The following EPHA2 variants were observed in gnomAD, a reference collection of about 807,000 sequenced individuals.
EPHA2 encodes EPH receptor A2.
A neutral mutation model predicts 104.9 loss-of-function variants in EPHA2; 54 were observed. That is an observed-to-expected ratio of 0.51 (90% CI 0.41 to 0.65). EPHA2 has a LOEUF of 0.65. EPHA2 is among the 30% of genes least tolerant of loss of function. The pLI is 0.00. For synonymous variants in EPHA2, 560 were observed against 559.1 expected (o/e 1.00, Z -0.02); for missense variants, 1,117 against 1,369.5 (o/e 0.82, Z 2.91).
chr1:16,139,068 G>A (rs1219415840), intron 3 of EPHA2, among the ~76,000 whole-genome samples: 1 of 152,204 alleles, frequency 6.6e-6, no homozygotes, highest in Non-Finnish European at 1.5e-5. Flanking sequence ...TTCCAGGACC[G>A]AGTCATATCC....
intron 1 of EPHA2, among the ~76,000 whole-genome samples, chr1:16,154,705 G>A (rs907893380): frequency 2.2e-5 from 3 of 133,730 alleles, no homozygotes; most frequent in African/African-American, 8.2e-5. Context: ...GCAGTGAGCC[G>A]AGATTGCGCC....
rs925529282 is a variant in EPHA2, at chr1:16,148,471, G to A, written c.730C>T (p.Arg244Cys). The part of the protein sequence containing the change: ...AVVPPGGEEP[R>C]MHCAVDGEWL... ...TCGCCATCCACTGCACAGTGCATAC[G>A]GGGCTCTTCACCCCCCGGTGGCACC... The change falls in exon 3 of 17, where the codon CGT (arginine) becomes TGT (cysteine). Residue 244 changes from arginine to cysteine, a missense_variant. By Grantham distance (180) the Arg-to-Cys change is radical. Around this residue, in one of 3 missense-constraint regions of EPHA2, gnomAD observed 664 missense variants for 784.8 expected, o/e 0.85. Transcript: ENST00000358432. The surrounding 1 kb of genome is among the most constrained non-coding windows in gnomAD (Gnocchi z 4.9). The A allele has an allele frequency of 3.1e-6, 5 of 1,613,868 alleles. No homozygotes were observed. Among genetic ancestry groups the A allele is most frequent in the East Asian group, 2.2e-5 (1 of 44,884 alleles).
At position 16,128,283 on chromosome 1, in the gene EPHA2, A is replaced by G. The variant is rs1202769377; in HGVS notation, c.2825+1151T>C. Among the ~76,000 whole-genome samples the G allele has an allele frequency of 6.6e-6, 1 of 152,170 alleles. No homozygotes were observed. The highest frequency in any genetic ancestry group is 1.5e-5 in the Non-Finnish European group (1 of 68,022). Reference sequence around the variant, plus strand: ...GGCCCTGCTGGGCTGGCGGGCAGCAAAAGACATCCTGTGATCCATCTCCCC... The same window carrying G: ...GGCCCTGCTGGGCTGGCGGGCAGCAGAAGACATCCTGTGATCCATCTCCCC... On this transcript the variant is annotated intron_variant, in intron 16 of 16. Transcript: ENST00000358432. The surrounding 1 kb of genome is among the most constrained non-coding windows in gnomAD (Gnocchi z 4.7).
intron 11 of EPHA2, among the ~76,000 whole-genome samples, chr1:16,132,719 T>G (rs1311259690): frequency 7.9e-5 from 8 of 100,638 alleles, no homozygotes; most frequent in Admixed American, 2.0e-4. Context: ...GTAGAGGAGG[T>G]GGGTACAAGT....
In EPHA2 at chr1:16,135,616, C is replaced by T. The variant is rs755503021; in HGVS notation, c.1428+39G>A. The T allele has an allele frequency of 8.9e-6, 14 of 1,579,656 alleles. No individual in the cohort carries two copies. The highest frequency in any genetic ancestry group is 3.3e-4 in the Middle Eastern group (2 of 6,016). On this transcript the variant is annotated intron_variant, in intron 6 of 16. Transcript: ENST00000358432. The surrounding 1 kb of genome is among the most constrained non-coding windows in gnomAD (Gnocchi z 4.3). The stretch of plus-strand genomic sequence containing the variant: ...ATGTGACCAGCCTGTCCCCTGCTGT[C>T]GGCCCAGCTAGAGCCAGCCCCGCCC...
intron 16 of EPHA2, among the ~76,000 whole-genome samples, chr1:16,126,082 G>A (rs745405157): frequency 2.0e-5 from 3 of 152,170 alleles, no homozygotes; most frequent in Non-Finnish European, 4.4e-5. Context: ...TCTGGAGGGC[G>A]AGAGACCTCA....
At chr1:16,153,017 A>C in intron 1 of EPHA2, 1 of 612,876 alleles carries the variant, frequency 1.6e-6, no homozygotes, top group Non-Finnish European at 2.0e-6. Flanking sequence ...TTCTCTGGAA[A>C]GGGTGGGAGC....
intron 3 of EPHA2, among the ~76,000 whole-genome samples, chr1:16,139,341 G>A (rs2024779992): frequency 6.6e-6 from 1 of 152,194 alleles, no homozygotes; most frequent in Admixed American, 6.5e-5. Context: ...TCACCCTAGG[G>A]AGCTCCTCCA....
chr1:16,137,826 G>A, intron 5 of EPHA2, 27 bp downstream of exon 5: 1 of 1,612,786 alleles, frequency 6.2e-7, no homozygotes, highest in Non-Finnish European at 8.5e-7. Flanking sequence ...GGCCCCATAG[G>A]GCACAGCTGC....
chr1:16,143,388 C>A (rs2124245654), intron 3 of EPHA2, among the ~76,000 whole-genome samples: 1 of 152,148 alleles, frequency 6.6e-6, no homozygotes, highest in South Asian at 2.1e-4. Flanking sequence ...AGAAGGTCCA[C>A]CAGGATGCCT....
chr1:16,133,058 G>C (rs1310359173), intron 11 of EPHA2, 122 bp downstream of exon 11: 1 of 1,349,410 alleles, frequency 7.4e-7, no homozygotes, highest in East Asian at 2.5e-5. Flanking sequence ...CAGTTGTAGA[G>C]GAGGTGGGTG....
At position 16,150,941 on chromosome 1, in the gene EPHA2, T is replaced by C; in HGVS notation, c.108A>G (p.Ala36=). The change falls in exon 2 of 17, where the codon GCA becomes GCG. Residue 36 remains alanine, a synonymous_variant. Transcript: ENST00000358432. The surrounding 1 kb of genome is among the most constrained non-coding windows in gnomAD (Gnocchi z 4.8). Reference sequence around the variant, plus strand: ...TGAGCCAGCCGAGCTCCCCTCCAGCTGCAGCAAAGTCCAGCAGTACCACTG... The same window carrying C: ...TGAGCCAGCCGAGCTCCCCTCCAGCCGCAGCAAAGTCCAGCAGTACCACTG... ...GKEVVLLDFA[A]AGGELGWLTH... The C allele has an allele frequency of 1.2e-6, 2 of 1,614,090 alleles. No homozygotes were observed. Among genetic ancestry groups the C allele is most frequent in the Non-Finnish European group, 1.7e-6 (2 of 1,180,004 alleles).
chr1:16,129,810 A>T (rs1035576698), intron 15 of EPHA2, among the ~76,000 whole-genome samples: 1 of 152,138 alleles, frequency 6.6e-6, no homozygotes, highest in Non-Finnish European at 1.5e-5. Flanking sequence ...ACTCCTACTA[A>T]CAGGACCACC....
Position 16,156,016 on chromosome 1 carries a change from T to C in EPHA2, c.-84A>G. On this transcript the variant is annotated 5_prime_UTR_variant, in exon 1 of 17. Transcript: ENST00000358432. Reference sequence around the variant, plus strand: ...CCTGCACGCCGGCCTCGGTGTCCGCTCCCGCCCGCCGGCCTGCGCGCAACT... The same window carrying C: ...CCTGCACGCCGGCCTCGGTGTCCGCCCCCGCCCGCCGGCCTGCGCGCAACT... 1.6e-6 allele frequency: 2 copies of C among 1,233,534 alleles called. No individual in the cohort carries two copies. Among genetic ancestry groups the C allele is most frequent in the Admixed American group, 3.6e-5 (1 of 27,666 alleles). 76.4% of individuals were successfully genotyped at this position (1,233,534 alleles called of 1,614,324 possible).
chr1:16,152,963 G>A (rs1265081034), intron 1 of EPHA2, among the ~76,000 whole-genome samples: 1 of 152,164 alleles, frequency 6.6e-6, no homozygotes, highest in Non-Finnish European at 1.5e-5. Flanking sequence ...CCTGACGCGG[G>A]CGCGGCTCTT....
At chr1:16,152,688 G>A (rs988031209) in intron 1 of EPHA2, among the ~76,000 whole-genome samples, 17 of 152,298 alleles carry the variant, frequency 1.1e-4, no homozygotes, top group African/African-American at 4.1e-4. Flanking sequence ...CCCCCCCTTA[G>A]ATTGACAGGA....
Position 16,148,571 on chromosome 1 carries a change from G to A in EPHA2, c.630C>T (p.His210=). The stretch of plus-strand genomic sequence containing the variant: ...CAGAGCCGGCGATGGTCTCAGGGAA[G>A]TGGGCCAGGCCCTGCAGCAGCTCGG... ...KCPELLQGLA[H]FPETIAGSDA... is the part of the protein sequence containing the mutation. Residue 210 remains histidine (H), a synonymous_variant, in exon 3 of 17, where the codon CAC becomes CAT. Transcript: ENST00000358432. The surrounding 1 kb of genome is among the most constrained non-coding windows in gnomAD (Gnocchi z 4.9). 1 of 1,612,136 alleles carries A rather than the reference G, an allele frequency of 6.2e-7. No individual in the cohort carries two copies. Among genetic ancestry groups the A allele is most frequent in the East Asian group, 2.2e-5 (1 of 44,892 alleles).
At chr1:16,136,501 C>A in intron 5 of EPHA2, among the ~76,000 whole-genome samples, 1 of 150,500 alleles carries the variant, frequency 6.6e-6, no homozygotes, top group Non-Finnish European at 1.5e-5. Flanking sequence ...TGCCTGTAAT[C>A]CCAGCTACTC....
chr1:16,153,784 G>T (rs756200168), intron 1 of EPHA2, among the ~76,000 whole-genome samples: 1 of 152,110 alleles, frequency 6.6e-6, no homozygotes, highest in African/African-American at 2.4e-5. Context: ...CAGCCTGGGG[G>T]TAGGTGAAAA....
Sources: gnomAD v4.1 joint callset for allele counts (sites outside exome capture counted in the v4.1 genomes callset) on GRCh38, gnomAD v4.1.1 for gene constraint, gnomAD v4.1.1 regional missense constraint, Gnocchi (gnomAD v3.1) non-coding constraint, MANE v1.5 for transcripts, NCBI Gene and HGNC (gene_info 2026-07-23, HGNC 2026-07-21) for gene names.